The following TRPV3 variants were observed in gnomAD, a reference collection of about 807,000 sequenced individuals.
TRPV3 encodes VRL-3.
Under a neutral mutation model 87.1 loss-of-function variants are expected in TRPV3, and 88 were observed. That is an observed-to-expected ratio of 1.01 (90% CI 0.85 to 1.21). The LOEUF is 1.21. Ranked by LOEUF, TRPV3 falls within the 50% of genes most tolerant of loss-of-function variation. The probability of loss-of-function intolerance (pLI) is 0.00; values close to 1 mark genes in which losing one functional copy is unlikely to be tolerated. For missense variants in TRPV3, 1,054 were observed against 1,030.1 expected (o/e 1.02, Z -0.32); for synonymous variants, 438 against 423.3 (o/e 1.03, Z -0.43).
At position 3,518,710 on chromosome 17, in the gene TRPV3, G is replaced by A. The variant is rs2074206006; in HGVS notation, c.1951C>T (p.Pro651Ser). 6.2e-7 allele frequency: 1 copy of A among 1,612,716 alleles called. No homozygotes were observed. Among genetic ancestry groups the A allele is most frequent in the Non-Finnish European group, 8.5e-7 (1 of 1,179,488 alleles). The change falls in exon 15 of 18, where the codon CCC (proline) becomes TCC (serine). Residue 651 changes from proline (P) to serine (S), a missense_variant. By Grantham distance (74) the Pro-to-Ser change is moderately conservative. Coordinates refer to ENST00000576742, the MANE Select transcript of TRPV3 (RefSeq NM_145068.4). The surrounding 1 kb of genome is among the most constrained non-coding windows in gnomAD (Gnocchi z 4.3). ...ATGAGCAGGAACAGAAAGAGAATGG[G>A]ATACTTGGAGTTCTGCTGGATGTTC... The part of the protein sequence containing the change: ...DLNIQQNSKY[P>S]ILFLFLLITY...
In TRPV3 at chr17:3,514,619, T is replaced by C; in HGVS notation, c.2252A>G (p.Glu751Gly). 6.2e-7 allele frequency: 1 copy of C among 1,614,108 alleles called. No homozygotes were observed. Among genetic ancestry groups the C allele is most frequent in the Non-Finnish European group, 8.5e-7 (1 of 1,179,940 alleles). The change falls in exon 17 of 18, where the codon GAA (glutamate) becomes GGA (glycine). Residue 751 changes from glutamate (E) to glycine (G), a missense_variant. Transcript: ENST00000576742. ...TGTTCGTCTTACAGGCCCCGGGTCT[T>C]CGTTAAGGAAGGAGACGTGCGTCTT... ...EWKTHVSFLN[E>G]DPGPVRRTDF...
chr17:3,536,018 C>T (rs1180848668), intron 6 of TRPV3, among the ~76,000 whole-genome samples: 5 of 152,204 alleles, frequency 3.3e-5, no homozygotes, highest in African/African-American at 1.2e-4. Context: ...CGAGGTGCTA[C>T]GATTCAGAGG....
At chr17:3,525,013 GT>G (rs564334546) in intron 12 of TRPV3, among the ~76,000 whole-genome samples, 1 of 152,110 alleles carries the variant, frequency 6.6e-6, no homozygotes, top group African/African-American at 2.4e-5. Flanking sequence ...AAATCGTGGT[GT>G]TTTTTGGGGG....
rs148118091 is a variant in TRPV3, at chr17:3,556,809, G to C, written c.-3+867C>G. Among the ~76,000 whole-genome samples the C allele has an allele frequency of 3.1e-3, 468 of 152,206 alleles. 1 individual carries two copies. Among genetic ancestry groups the C allele is most frequent in the Non-Finnish European group, 6.0e-3 (406 of 67,982 alleles). On this transcript the variant is annotated intron_variant, in intron 1 of 17. Transcript: ENST00000576742. This position sits in a 1 kb window ranked among gnomAD's most constrained non-coding sequence, Gnocchi z 4.2. ...CCCGTGTCCAGTCACGGCCTGATGA[G>C]GATGGGCAGCCTCTATGGCTTTCCC...
At chr17:3,533,072 G>T in intron 7 of TRPV3, 135 bp from the exon 8 acceptor site, 1 of 1,000,938 alleles carries the variant, frequency 1.0e-6, no homozygotes, top group Non-Finnish European at 1.5e-6. Context: ...CCCATCTTCC[G>T]CTTCTACGGG....
chr17:3,525,068 G>A (rs576355220), intron 12 of TRPV3, among the ~76,000 whole-genome samples: 45 of 152,202 alleles, frequency 3.0e-4, no homozygotes, highest in South Asian at 6.2e-4. Context: ...CACCTAGGCT[G>A]GAGTACAGTG....
intron 6 of TRPV3, among the ~76,000 whole-genome samples, chr17:3,536,289 C>A (rs2074409035): frequency 6.6e-6 from 1 of 152,118 alleles, no homozygotes; most frequent in African/African-American, 2.4e-5. Flanking sequence ...GTGGAGGATG[C>A]GTTAGAAGCA....
At chr17:3,529,773 A>T (rs2074331786) in intron 9 of TRPV3, among the ~76,000 whole-genome samples, 1 of 146,898 alleles carries the variant, frequency 6.8e-6, no homozygotes, top group Non-Finnish European at 1.5e-5. Context: ...GGTCCAGAAG[A>T]CCTCCCGCCC....
intron 14 of TRPV3, among the ~76,000 whole-genome samples, chr17:3,520,559 T>C (rs1302044889): frequency 1.3e-5 from 2 of 152,214 alleles, no homozygotes; most frequent in South Asian, 2.1e-4. Flanking sequence ...CATGGTGAAG[T>C]TGGATTATGA....
At chr17:3,525,639 A>G (rs1221551456) in intron 12 of TRPV3, among the ~76,000 whole-genome samples, 1 of 133,910 alleles carries the variant, frequency 7.5e-6, no homozygotes, top group Non-Finnish European at 1.6e-5. Context: ...TTTTTTTTTG[A>G]GATGTAGTCT....
At chr17:3,519,448 GGATA>G (rs1567630448) in intron 14 of TRPV3, among the ~76,000 whole-genome samples, 3 of 142,876 alleles carry the variant, frequency 2.1e-5, no homozygotes, top group Admixed American at 6.8e-5. Flanking sequence ...ATGGATGGAT[GGATA>G]GATGATTAGA....
Position 3,528,086 on chromosome 17 carries a change from C to G in TRPV3, c.1442G>C (p.Trp481Ser), listed in dbSNP as rs1248899405. ...AAACATCCTCCCTAGGAGCTGCAGC[C>G]ACCCCATCTTGTGCGTCAGGGCCAA... ...HPLALTHKMG[W>S]LQLLGRMFVL... is the part of the protein sequence containing the mutation. The change falls in exon 11 of 18, where the codon TGG (tryptophan) becomes TCG (serine). Residue 481 changes from tryptophan to serine, a missense_variant. Physicochemically the swap from Trp to Ser is radical, Grantham distance 177. Coordinates refer to ENST00000576742, the MANE Select transcript of TRPV3 (RefSeq NM_145068.4). This position sits in a 1 kb window ranked among gnomAD's most constrained non-coding sequence, Gnocchi z 4.2. 3 of 1,613,686 alleles carry G rather than the reference C, an allele frequency of 1.9e-6. No individual in the cohort carries two copies. The highest frequency in any genetic ancestry group is 2.5e-6 in the Non-Finnish European group (3 of 1,179,914).
Position 3,515,978 on chromosome 17 carries a change from G to A in TRPV3, c.2198+479C>T, listed in dbSNP as rs571402741. On this transcript the variant is annotated intron_variant, in intron 16 of 17. Transcript: ENST00000576742. ...AAGGTGGGTGGATCACCTGAGGTCA[G>A]GAGTTTGAGACCAGCTTGACCAACA... Among the ~76,000 whole-genome samples the A allele has an allele frequency of 3.9e-5, 6 of 152,290 alleles. No individual in the cohort carries two copies. In the East Asian group the frequency reaches 7.7e-4, roughly 20 times the overall value.
In TRPV3 at chr17:3,542,672, A is replaced by C; in HGVS notation, c.493T>G (p.Ser165Ala). 6.2e-7 allele frequency: 1 copy of C among 1,613,966 alleles called. No homozygotes were observed. The highest frequency in any genetic ancestry group is 8.5e-7 in the Non-Finnish European group (1 of 1,179,942). The change falls in exon 6 of 18, where the codon TCC (serine) becomes GCC (alanine). Residue 165 changes from serine to alanine, a missense_variant. By Grantham distance (99) the Ser-to-Ala change is moderately conservative. Transcript: ENST00000576742. ...ATCAGGCAGGTCTTCCCCGTGTCGG[A>C]GGCCGTCAGCTTGTGCATGAGGAAG... ...PDFLMHKLTASDTGKTCLMKA... is the reference protein window; with the variant it reads ...PDFLMHKLTAADTGKTCLMKA...
intron 2 of TRPV3, chr17:3,554,120 G>C (rs1277713804): frequency 6.6e-6 from 1 of 152,630 alleles, no homozygotes; most frequent in East Asian, 1.9e-4. Context: ...GGGCTCCGTG[G>C]AGTGATGAGG....
Position 3,532,734 on chromosome 17 carries a change from T to C in TRPV3, c.988A>G (p.Asn330Asp), listed in dbSNP as rs1343368282. 6.2e-7 allele frequency: 1 copy of C among 1,614,242 alleles called. No individual in the cohort carries two copies. Among genetic ancestry groups the C allele is most frequent in the Non-Finnish European group, 8.5e-7 (1 of 1,180,040 alleles). ...TTGCGAGTGGTCTCCAGCTCCCAGT[T>C]GCCACTCCGCAGTAGGATCATGTCG... ...MYDMILLRSG[N>D]WELETTRNND... Residue 330 changes from asparagine (N) to aspartate (D), a missense_variant, in exon 8 of 18, where the codon AAC becomes GAC. Coordinates refer to ENST00000576742, the MANE Select transcript of TRPV3 (RefSeq NM_145068.4).
At chr17:3,541,955 G>A (rs1210120850) in intron 6 of TRPV3, among the ~76,000 whole-genome samples, 1 of 151,936 alleles carries the variant, frequency 6.6e-6, no homozygotes, top group Non-Finnish European at 1.5e-5. Flanking sequence ...TTTTCTTTCT[G>A]TCTTTACTTA....
intron 6 of TRPV3, among the ~76,000 whole-genome samples, chr17:3,541,615 C>T (rs943953713): frequency 7.9e-5 from 12 of 152,198 alleles, no homozygotes; most frequent in African/African-American, 2.4e-4. Flanking sequence ...CAAAGAAATC[C>T]ACAAAACTGA....
rs1348442940 is a variant in TRPV3, at chr17:3,530,470, C to T, written c.1066-267G>A. On this transcript the variant is annotated intron_variant, in intron 8 of 17. Coordinates refer to ENST00000576742, the MANE Select transcript of TRPV3 (RefSeq NM_145068.4). This position sits in a 1 kb window ranked among gnomAD's most constrained non-coding sequence, Gnocchi z 4.0. ...TCTTCGCAGGCTGCAGCAAGCTGCACAATCAGCTTGAAATGCCTCACGCCA... is the reference window on the plus strand; with the variant it reads ...TCTTCGCAGGCTGCAGCAAGCTGCATAATCAGCTTGAAATGCCTCACGCCA... Among the ~76,000 whole-genome samples, 1 of 151,910 alleles carries T rather than the reference C, an allele frequency of 6.6e-6. No homozygotes were observed.
Sources: allele counts gnomAD v4.1 joint callset (sites outside exome capture counted in the v4.1 genomes callset), GRCh38; gene constraint gnomAD v4.1.1; non-coding constraint Gnocchi (gnomAD v3.1); transcripts MANE v1.5; gene names NCBI Gene and HGNC (gene_info 2026-07-23, HGNC 2026-07-21).